SMYD3: variants seen among roughly 807,000 people sequenced by gnomAD.
The protein encoded by SMYD3 is SET and MYND domain containing 3.
In SMYD3, 36 loss-of-function variants were observed where a neutral mutation model predicts 57.7. That is an observed-to-expected ratio of 0.62 (90% confidence interval 0.48 to 0.82). SMYD3 has a LOEUF of 0.82. Among genes scored for constraint, SMYD3 ranks in the 40% least tolerant of loss-of-function variants. The pLI is 0.00. For missense variants in SMYD3, 515 were observed against 538.8 expected, an observed-to-expected ratio of 0.96 and a Z score of 0.44; for synonymous variants, 211 against 195.0, an observed-to-expected ratio of 1.08 and a Z score of -0.68.
intron 1 of SMYD3, among the ~76,000 whole-genome samples, chr1:246,418,628 T>C (rs1225607057): frequency 6.6e-6 from 1 of 152,150 alleles, no homozygotes; most frequent in Non-Finnish European, 1.5e-5. Context: ...GGAGAATAAG[T>C]GCAAGGTTTT....
At chr1:246,248,410 G>T (rs1258597125) in intron 5 of SMYD3, among the ~76,000 whole-genome samples, 1 of 152,080 alleles carries the variant, frequency 6.6e-6, no homozygotes, top group East Asian at 1.9e-4. Context: ...TTCTAAACTT[G>T]AAATGTCTCC....
chr1:245,918,977 C>T (rs1210552668), intron 7 of SMYD3, among the ~76,000 whole-genome samples: 1 of 152,172 alleles, frequency 6.6e-6, no homozygotes, highest in Non-Finnish European at 1.5e-5. Flanking sequence ...GGCCAAAACT[C>T]ATGAGTGATC....
intron 5 of SMYD3, among the ~76,000 whole-genome samples, chr1:246,324,258 T>C (rs1353354554): frequency 6.6e-6 from 1 of 151,664 alleles, no homozygotes; most frequent in Non-Finnish European, 1.5e-5. Flanking sequence ...CTACTAAAAA[T>C]ACAAAAATTG....
At chr1:246,459,572 G>C (rs1044923869) in intron 1 of SMYD3, among the ~76,000 whole-genome samples, 1 of 152,122 alleles carries the variant, frequency 6.6e-6, no homozygotes, top group Non-Finnish European at 1.5e-5. Flanking sequence ...CTTCTCCTTC[G>C]CTTCCAGTTT....
intron 10 of SMYD3, among the ~76,000 whole-genome samples, chr1:245,803,090 T>C (rs1046268766): frequency 6.6e-6 from 1 of 152,208 alleles, no homozygotes; most frequent in Non-Finnish European, 1.5e-5. Context: ...AAAATACTTC[T>C]TCTCTTTCTT....
intron 5 of SMYD3, among the ~76,000 whole-genome samples, chr1:246,005,170 G>T (rs2059148201): frequency 6.6e-6 from 1 of 152,098 alleles, no homozygotes; most frequent in Non-Finnish European, 1.5e-5. Context: ...TTTTAAGGGG[G>T]AAACATTACA....
chr1:246,305,996 T>C (rs2064970829), intron 5 of SMYD3: 1 of 152,214 alleles, frequency 6.6e-6, no homozygotes, highest in African/African-American at 2.4e-5. Flanking sequence ...CTGAACTCTC[T>C]TGGTGGCACC....
chr1:245,985,612 G>A (rs1192308913), intron 5 of SMYD3, among the ~76,000 whole-genome samples: 1 of 152,130 alleles, frequency 6.6e-6, no homozygotes, highest in African/African-American at 2.4e-5. Flanking sequence ...CTCCAAGACT[G>A]TTGCTCCAAC....
At chr1:246,269,939 G>A (rs2064187755) in intron 5 of SMYD3, among the ~76,000 whole-genome samples, 1 of 152,108 alleles carries the variant, frequency 6.6e-6, no homozygotes, top group African/African-American at 2.4e-5. Flanking sequence ...GTTGGTTCCT[G>A]AAGAATGACC....
rs2062615152 is a variant in SMYD3, at chr1:246,185,312, C to T, written c.531+141889G>A. Among the ~76,000 whole-genome samples the T allele has an allele frequency of 2.0e-5, 3 of 152,068 alleles. No homozygotes were observed. The South Asian group carries it at 6.3e-4, about 32-fold the overall frequency. ...GAGTGCAGTGGCGCGATCTCGGCTA[C>T]TGCAACCTCCGCCTCCCGGGTTCAA... On this transcript the variant is annotated intron_variant, in intron 5 of 11. Coordinates refer to ENST00000490107, the MANE Select transcript of SMYD3 (RefSeq NM_001167740.2).
intron 10 of SMYD3, among the ~76,000 whole-genome samples, chr1:245,816,787 G>A (rs546538698): frequency 3.3e-5 from 5 of 152,140 alleles, no homozygotes; most frequent in Non-Finnish European, 7.4e-5. Flanking sequence ...AAGGGGTGAC[G>A]GACGCACCTG....
chr1:246,249,424 A>G (rs1024722069), intron 5 of SMYD3, among the ~76,000 whole-genome samples: 6 of 152,204 alleles, frequency 3.9e-5, no homozygotes, highest in African/African-American at 1.4e-4. Flanking sequence ...TACTCCACAC[A>G]AAACACAGAA....
Position 246,090,454 on chromosome 1 carries a change from G to A in SMYD3, c.532-160517C>T, listed in dbSNP as rs1346492751. Among the ~76,000 whole-genome samples the A allele has an allele frequency of 2.0e-5, 3 of 151,384 alleles. No homozygotes were observed. In the East Asian group the frequency reaches 5.8e-4, roughly 29 times the overall value. ...GATCTCCACCAAGAACTGAAATTGG[G>A]TCTTCTCCACTTGGAAGACTCCTCT... On this transcript the variant is annotated intron_variant, in intron 5 of 11. Coordinates refer to ENST00000490107, the MANE Select transcript of SMYD3 (RefSeq NM_001167740.2).
chr1:246,491,103 G>C (rs1285256060), intron 1 of SMYD3, among the ~76,000 whole-genome samples: 1 of 152,142 alleles, frequency 6.6e-6, no homozygotes, highest in African/African-American at 2.4e-5. Flanking sequence ...ATAAGACAAG[G>C]GAAAGCACCA....
rs542746499 is a variant in SMYD3 at position 246,102,719 on chromosome 1, C to T, written c.532-172782G>A. Among the ~76,000 whole-genome samples the T allele has an allele frequency of 3.3e-5, 5 of 151,208 alleles. No homozygotes were observed. In the South Asian group the frequency reaches 1.1e-3, roughly 32 times the overall value. On this transcript the variant is annotated intron_variant, in intron 5 of 11. Coordinates refer to ENST00000490107, the MANE Select transcript of SMYD3 (RefSeq NM_001167740.2). Reference sequence around the variant, plus strand: ...GGCCATGAGTTGGAGACTGGCCTGGCCAACAAAGTGAGACCTTGGCTCTCA... The same window carrying T: ...GGCCATGAGTTGGAGACTGGCCTGGTCAACAAAGTGAGACCTTGGCTCTCA...
intron 5 of SMYD3, among the ~76,000 whole-genome samples, chr1:246,141,071 T>A (rs1185632860): frequency 6.6e-6 from 1 of 152,194 alleles, no homozygotes; most frequent in African/African-American, 2.4e-5. Context: ...AGGTGACCTA[T>A]CCGTTCAACT....
intron 1 of SMYD3, among the ~76,000 whole-genome samples, chr1:246,471,893 C>T (rs969365023): frequency 6.6e-6 from 1 of 152,060 alleles, no homozygotes; most frequent in Non-Finnish European, 1.5e-5. Flanking sequence ...AGCTAATTAG[C>T]AGGAAGCACA....
chr1:245,793,041 T>C (rs1319238795), intron 10 of SMYD3, among the ~76,000 whole-genome samples: 2 of 150,162 alleles, frequency 1.3e-5, no homozygotes, highest in Non-Finnish European at 3.0e-5. Context: ...CCAGGCACAG[T>C]GGCTCATGCC....
intron 5 of SMYD3, among the ~76,000 whole-genome samples, chr1:245,999,736 T>C (rs2059002358): frequency 6.6e-6 from 1 of 152,214 alleles, no homozygotes; most frequent in South Asian, 2.1e-4. Context: ...AAAAGTCAAA[T>C]ATTAATTGTT....
Sources: gnomAD v4.1 joint callset for allele counts (sites outside exome capture counted in the v4.1 genomes callset) on GRCh38, gnomAD v4.1.1 for gene constraint, MANE v1.5 for transcripts, NCBI Gene and HGNC (gene_info 2026-07-23, HGNC 2026-07-21) for gene names.